TSHR: variants seen among roughly 807,000 people sequenced by gnomAD.
TSHR encodes the protein thyroid stimulating hormone receptor.
TSHR carries 51 observed loss-of-function variants against 64.1 expected under a neutral mutation model. The ratio of observed to expected loss-of-function variants is 0.80; its 90% CI spans 0.64 to 1.01. The LOEUF is 1.01. Among genes scored for constraint, TSHR ranks in the 50% least tolerant of loss-of-function variants. TSHR has a pLI of 0.00. For missense variants in TSHR, 877 were observed against 942.8 expected (o/e 0.93, Z 0.91); for synonymous variants, 361 against 361.9 (o/e 1.00, Z 0.03).
intron 9 of TSHR, among the ~76,000 whole-genome samples, chr14:81,142,633 G>A (rs1294198045): frequency 6.8e-6 from 1 of 146,080 alleles, no homozygotes; most frequent in Admixed American, 6.9e-5. Flanking sequence ...TTTTGAGACA[G>A]GGTCTCACTC....
At chr14:80,999,694 A>G (rs1889204141) in intron 1 of TSHR, among the ~76,000 whole-genome samples, 1 of 152,152 alleles carries the variant, frequency 6.6e-6, no homozygotes, top group African/African-American at 2.4e-5. Flanking sequence ...TGCCCAATGA[A>G]GTCATATTGA....
intron 1 of TSHR, among the ~76,000 whole-genome samples, chr14:81,046,510 TA>T (rs151139060): frequency 0.013 from 1,829 of 139,564 alleles, 41 homozygotes; most frequent in African/African-American, 0.044. Context: ...GAAAAAAATA[TA>T]AAAAAAAAAC....
In TSHR at chr14:81,115,672, A is replaced by G. The variant is rs1273752887; in HGVS notation, c.692+7220A>G. The stretch of plus-strand genomic sequence containing the variant: ...AGGCCAACGTTCAGATTCAGGAAAT[A>G]CAGAGAATGCCACAAAGATACTCCT... On this transcript the variant is annotated intron_variant, in intron 8 of 9. Transcript: ENST00000298171. Among the ~76,000 whole-genome samples, 3 of 152,184 alleles carry G rather than the reference A, an allele frequency of 2.0e-5. No homozygotes were observed. The East Asian group carries it at 5.8e-4, about 29-fold the overall frequency.
intron 8 of TSHR, among the ~76,000 whole-genome samples, chr14:81,109,858 C>T (rs1890147882): frequency 6.6e-6 from 1 of 152,124 alleles, no homozygotes; most frequent in African/African-American, 2.4e-5. Context: ...TTTCTTTTTA[C>T]AAGAAGACAA....
intron 1 of TSHR, chr14:80,982,128 C>T: frequency 3.5e-6 from 2 of 568,876 alleles, no homozygotes; most frequent in South Asian, 2.0e-5. Flanking sequence ...AAAAGACAAG[C>T]CAGGGTCTCT....
In TSHR at chr14:81,139,839, G is replaced by A; in HGVS notation, c.853G>A (p.Ala285Thr). 1 of 1,614,192 alleles carries A rather than the reference G, an allele frequency of 6.2e-7. No individual in the cohort carries two copies. Among genetic ancestry groups the A allele is most frequent in the South Asian group, 1.1e-5 (1 of 91,088 alleles). Reference protein sequence around the residue: ...ADLSYPSHCCAFKNQKKIRGI... With the variant: ...ADLSYPSHCCTFKNQKKIRGI... Reference sequence around the variant, plus strand: ...CCTTTCTTACCCAAGCCACTGCTGTGCTTTTAAGAATCAGAAGAAAATCAG... The same window carrying A: ...CCTTTCTTACCCAAGCCACTGCTGTACTTTTAAGAATCAGAAGAAAATCAG... Residue 285 changes from alanine (A) to threonine (T), a missense_variant, in exon 9 of 10, where the codon GCT becomes ACT. Ala to Thr is a moderately conservative substitution (Grantham distance 58). Coordinates refer to ENST00000298171, the MANE Select transcript of TSHR (RefSeq NM_000369.5).
intron 8 of TSHR, among the ~76,000 whole-genome samples, chr14:81,125,573 T>C (rs1423546450): frequency 1.3e-5 from 2 of 152,038 alleles, no homozygotes; most frequent in Non-Finnish European, 2.9e-5. Flanking sequence ...GATCTCCCTC[T>C]GAGGGGAGGG....
At chr14:80,964,656 ACT>A (rs1887202111) in intron 1 of TSHR, among the ~76,000 whole-genome samples, 1 of 152,132 alleles carries the variant, frequency 6.6e-6, no homozygotes, top group African/African-American at 2.4e-5. Flanking sequence ...CATTTCTGAG[ACT>A]CTATAACTTT....
chr14:81,002,789 T>TAG (rs1889400089), intron 1 of TSHR, among the ~76,000 whole-genome samples: 5 of 35,398 alleles, frequency 1.4e-4, no homozygotes, highest in Non-Finnish European at 2.4e-4. Flanking sequence ...CTCTTTTTTT[T>TAG]TTTTTTTTTT....
intron 8 of TSHR, among the ~76,000 whole-genome samples, chr14:81,125,320 A>G (rs578086437): frequency 6.6e-6 from 1 of 152,330 alleles, no homozygotes; most frequent in African/African-American, 2.4e-5. Flanking sequence ...AGGAAAAAAA[A>G]TTACATAATT....
intron 1 of TSHR, among the ~76,000 whole-genome samples, chr14:80,981,638 T>C (rs1888177856): frequency 6.6e-6 from 1 of 152,154 alleles, no homozygotes; most frequent in Non-Finnish European, 1.5e-5. Context: ...TAGGTAGCTG[T>C]TCACTAGGGA....
At chr14:81,002,076 A>C (rs974110693) in intron 1 of TSHR, among the ~76,000 whole-genome samples, 3 of 152,152 alleles carry the variant, frequency 2.0e-5, no homozygotes, top group African/African-American at 4.8e-5. Flanking sequence ...AGGTGATATC[A>C]TCTTTATTTA....
At chr14:81,122,136 C>T (rs112216322) in intron 8 of TSHR, among the ~76,000 whole-genome samples, 104 of 131,436 alleles carry the variant, frequency 7.9e-4, no homozygotes, top group African/African-American at 2.6e-3. Context: ...CTCCACCTCC[C>T]GGGTTCAAGC....
chr14:81,085,615 T>G (rs1888231525), intron 3 of TSHR, among the ~76,000 whole-genome samples: 2 of 152,186 alleles, frequency 1.3e-5, no homozygotes, highest in Admixed American at 6.5e-5. Flanking sequence ...CCTTTTATTC[T>G]CTACCTTTTC....
chr14:80,964,691 T>C (rs1174472743), intron 1 of TSHR, among the ~76,000 whole-genome samples: 1 of 152,236 alleles, frequency 6.6e-6, no homozygotes. Context: ...AAAGGTGTCC[T>C]TGACCCCTCA....
chr14:80,988,190 A>G lies in TSHR; in HGVS notation c.170+32340A>G, dbSNP rs542090909. Among the ~76,000 whole-genome samples, 6 of 152,348 alleles carry G rather than the reference A, an allele frequency of 3.9e-5. No individual in the cohort carries two copies. The South Asian group carries it at 6.2e-4, about 16-fold the overall frequency. On this transcript the variant is annotated intron_variant, in intron 1 of 9. Coordinates refer to ENST00000298171, the MANE Select transcript of TSHR (RefSeq NM_000369.5). ...CAATACTTAAATCCACCCTTCCTGT[A>G]TAAGTGTTCTTACAAGCTATAGAGA...
At chr14:81,073,935 C>T (rs899573880) in intron 3 of TSHR, among the ~76,000 whole-genome samples, 6 of 152,184 alleles carry the variant, frequency 3.9e-5, no homozygotes, top group Non-Finnish European at 7.4e-5. Flanking sequence ...GCTTCTTTGC[C>T]CCTTCACCAA....
chr14:81,068,464 C>A, intron 3 of TSHR, 136 bp downstream of exon 3: 1 of 756,412 alleles, frequency 1.3e-6, no homozygotes, highest in Non-Finnish European at 2.3e-6. Context: ...AATTATTAAC[C>A]TGTTCTCATT....
intron 1 of TSHR, among the ~76,000 whole-genome samples, chr14:80,968,728 G>C (rs190360367): frequency 2.4e-3 from 362 of 152,314 alleles, no homozygotes; most frequent in Non-Finnish European, 4.1e-3. Context: ...AAAGAACCAA[G>C]AGATGCCCCA....
Sources: gnomAD v4.1 joint callset for allele counts (sites outside exome capture counted in the v4.1 genomes callset) on GRCh38, gnomAD v4.1.1 for gene constraint, MANE v1.5 for transcripts, NCBI Gene and HGNC (gene_info 2026-07-23, HGNC 2026-07-21) for gene names.